TRDN: variants seen among roughly 807,000 people sequenced by gnomAD.
The protein encoded by TRDN is triadin in skeletal muscle.
In TRDN, 161 loss-of-function variants were observed where a neutral mutation model predicts 149.7. The observed-to-expected ratio is 1.08, with a 90% CI of 0.95 to 1.23. TRDN has a LOEUF of 1.23. Among genes scored for constraint, TRDN ranks in the 50% most tolerant of loss-of-function variants. The pLI is 0.00. For synonymous variants in TRDN, 294 were observed against 250.5 expected, an observed-to-expected ratio of 1.17 and a Z score of -1.64; for missense variants, 896 against 823.5, an observed-to-expected ratio of 1.09 and a Z score of -1.08.
intron 23 of TRDN, among the ~76,000 whole-genome samples, chr6:123,320,556 T>C (rs1779205020): frequency 6.9e-6 from 1 of 145,896 alleles, no homozygotes; most frequent in Admixed American, 6.8e-5. Flanking sequence ...GACTTAATAA[T>C]ATGTTTAAAT....
At chr6:123,254,597 C>A (rs931621984) in intron 37 of TRDN, among the ~76,000 whole-genome samples, 1 of 151,822 alleles carries the variant, frequency 6.6e-6, no homozygotes, top group South Asian at 2.1e-4. Context: ...CAAAATAGAT[C>A]ATTCTCTTTT....
chr6:123,218,780 A>T lies in TRDN; in HGVS notation c.2051-40T>A, dbSNP rs1367143706. On this transcript the variant is annotated intron_variant, in intron 40 of 40. Transcript: ENST00000334268. ...ATGACAGTTTGTTAAAACATGCAGA[A>T]CATGAGCAAAAAAGCACAGTGAGGC... The T allele has an allele frequency of 1.9e-6, 3 of 1,544,070 alleles. No homozygotes were observed. In the African/African-American group the frequency reaches 4.1e-5, roughly 21 times the overall value.
intron 7 of TRDN, among the ~76,000 whole-genome samples, chr6:123,508,392 T>C (rs1779024377): frequency 1.3e-5 from 2 of 152,128 alleles, no homozygotes; most frequent in Non-Finnish European, 2.9e-5. Context: ...TAAGGGCAGA[T>C]ATAAATATAC....
chr6:123,554,421 T>C, intron 2 of TRDN, among the ~76,000 whole-genome samples: 1 of 152,168 alleles, frequency 6.6e-6, no homozygotes, highest in East Asian at 1.9e-4. Flanking sequence ...TCAAAATACA[T>C]AGAGATAATT....
chr6:123,316,596 A>G, intron 23 of TRDN, 101 bp from the exon 24 acceptor site: 1 of 928,648 alleles, frequency 1.1e-6, no homozygotes, highest in Non-Finnish European at 1.6e-6. Flanking sequence ...GGCTTCACTG[A>G]TTTTTCTTGT....
At chr6:123,516,997 A>C (rs1463444143) in intron 5 of TRDN, among the ~76,000 whole-genome samples, 2 of 152,246 alleles carry the variant, frequency 1.3e-5, no homozygotes, top group African/African-American at 4.8e-5. Flanking sequence ...AAGAATATAG[A>C]AAGAACACTT....
chr6:123,520,573 A>T (rs1779624824), intron 5 of TRDN, among the ~76,000 whole-genome samples: 1 of 152,228 alleles, frequency 6.6e-6, no homozygotes, highest in Admixed American at 6.5e-5. Flanking sequence ...TAATAAAAGT[A>T]CTTTCATTTA....
At chr6:123,421,177 T>C (rs1381988723) in intron 12 of TRDN, among the ~76,000 whole-genome samples, 1 of 152,210 alleles carries the variant, frequency 6.6e-6, no homozygotes, top group East Asian at 1.9e-4. Context: ...TGAATTTCCT[T>C]TATAATGCTT....
At chr6:123,436,544 A>G (rs1774570487) in intron 12 of TRDN, among the ~76,000 whole-genome samples, 1 of 152,130 alleles carries the variant, frequency 6.6e-6, no homozygotes, top group East Asian at 1.9e-4. Flanking sequence ...GCTGCTTGCT[A>G]ATCATAATCT....
intron 1 of TRDN, among the ~76,000 whole-genome samples, chr6:123,618,064 A>G (rs1170424015): frequency 6.6e-6 from 1 of 152,112 alleles, no homozygotes; most frequent in Admixed American, 6.6e-5. Flanking sequence ...CCATTCTCCT[A>G]TGCTAATTTT....
At chr6:123,260,580 A>G (rs1228628046) in intron 34 of TRDN, 32 bp downstream of exon 34, 5 of 1,468,054 alleles carry the variant, frequency 3.4e-6, no homozygotes, top group Middle Eastern at 1.8e-4. Flanking sequence ...CCACAACTGT[A>G]TCTTATCTCC....
At position 123,313,105 on chromosome 6, in the gene TRDN, T is replaced by G. The variant is rs543759931; in HGVS notation, c.1510+3352A>C. Among the ~76,000 whole-genome samples the G allele has an allele frequency of 1.4e-4, 22 of 152,166 alleles. 1 individual carries two copies. In the South Asian group the frequency reaches 4.6e-3, roughly 32 times the overall value. ...TAATACTTGTGATTGCATTTTTAGA[T>G]TCTTGTATTGTGTTTTTCAGCTCTA... On this transcript the variant is annotated intron_variant, in intron 24 of 40. Transcript: ENST00000334268.
chr6:123,591,556 A>G (rs906365022), intron 1 of TRDN, among the ~76,000 whole-genome samples: 1 of 152,152 alleles, frequency 6.6e-6, no homozygotes, highest in Admixed American at 6.5e-5. Flanking sequence ...CCAAATCTTT[A>G]TTAAGTTATT....
rs1160267305 is a variant in TRDN, at chr6:123,618,926, TAATC to T, written c.22+17824_22+17827del. ...CAGTAACTCAAACATTTTATTATAA[TAATC>T]AACATTTATTAAATATATTTTACTA... On this transcript the variant is annotated intron_variant, in intron 1 of 40. Coordinates refer to ENST00000334268, the MANE Select transcript of TRDN (RefSeq NM_006073.4). Among the ~76,000 whole-genome samples the T allele has an allele frequency of 4.6e-5, 7 of 152,246 alleles. No homozygotes were observed. In the East Asian group the frequency reaches 1.4e-3, roughly 29 times the overall value.
chr6:123,543,424 C>A (rs1438561461), intron 4 of TRDN, among the ~76,000 whole-genome samples: 1 of 152,064 alleles, frequency 6.6e-6, no homozygotes, highest in Non-Finnish European at 1.5e-5. Context: ...TGAGTTTAAT[C>A]CCAGAAGGCA....
At chr6:123,260,278 A>G (rs1776718054) in intron 34 of TRDN, among the ~76,000 whole-genome samples, 1 of 152,126 alleles carries the variant, frequency 6.6e-6, no homozygotes, top group Admixed American at 6.6e-5. Context: ...AGCAATAAAA[A>G]TGTAACATAA....
intron 4 of TRDN, among the ~76,000 whole-genome samples, chr6:123,539,167 C>T (rs1295845421): frequency 6.6e-6 from 1 of 152,164 alleles, no homozygotes; most frequent in Non-Finnish European, 1.5e-5. Flanking sequence ...TAAATAAACT[C>T]TCAGGTAATT....
intron 10 of TRDN, chr6:123,464,531 G>C: frequency 9.9e-7 from 1 of 1,006,124 alleles, no homozygotes. Context: ...AAAAGGTGGA[G>C]CTCAGATTCA....
intron 33 of TRDN, among the ~76,000 whole-genome samples, chr6:123,264,999 T>C (rs1473717947): frequency 6.6e-6 from 1 of 152,050 alleles, no homozygotes; most frequent in Non-Finnish European, 1.5e-5. Context: ...AAACCTGCAA[T>C]ACCCCCGAGG....
Sources: allele counts gnomAD v4.1 joint callset (sites outside exome capture counted in the v4.1 genomes callset), GRCh38; gene constraint gnomAD v4.1.1; transcripts MANE v1.5; gene names NCBI Gene and HGNC (gene_info 2026-07-23, HGNC 2026-07-21).